The following SLC12A5 variants were observed in gnomAD, a reference collection of about 807,000 sequenced individuals.
SLC12A5 encodes K-Cl cotransporter 2.
In SLC12A5, 18 loss-of-function variants were observed where a neutral mutation model predicts 124.0. The ratio of observed to expected loss-of-function variants is 0.15; its 90% confidence interval spans 0.10 to 0.22. SLC12A5 has a LOEUF of 0.22. SLC12A5 is among the 10% of genes least tolerant of loss of function. The pLI is 1.00. For missense variants in SLC12A5, 867 were observed against 1,478.7 expected, an observed-to-expected ratio of 0.59 and a Z score of 6.78; for synonymous variants, 589 against 568.0, an observed-to-expected ratio of 1.04 and a Z score of -0.53.
At chr20:46,036,164 C>T (rs956412940) in intron 4 of SLC12A5, 3 of 455,608 alleles carry the variant, frequency 6.6e-6, no homozygotes, top group Admixed American at 3.8e-5. Context: ...TGATGCAGCT[C>T]ATTGATGGAA....
chr20:46,032,937 A>G (rs1665908708), intron 1 of SLC12A5, among the ~76,000 whole-genome samples: 2 of 152,064 alleles, frequency 1.3e-5, no homozygotes, highest in South Asian at 4.1e-4. Context: ...AGCACCTATT[A>G]TGTGCTGGGA....
intron 5 of SLC12A5, 101 bp downstream of exon 5, chr20:46,036,896 C>T (rs1252372766): frequency 6.9e-7 from 1 of 1,440,096 alleles, no homozygotes; most frequent in Non-Finnish European, 9.7e-7. Flanking sequence ...AGATAATATT[C>T]TAGACTAGGG....
At chr20:46,048,524 T>C (rs1018385137) in intron 16 of SLC12A5, among the ~76,000 whole-genome samples, 1 of 152,092 alleles carries the variant, frequency 6.6e-6, no homozygotes, top group African/African-American at 2.4e-5. Context: ...TTGAGAGTTA[T>C]AGGGGCTCTT....
At chr20:46,031,200 C>A (rs1568856675) in intron 1 of SLC12A5, among the ~76,000 whole-genome samples, 1 of 152,190 alleles carries the variant, frequency 6.6e-6, no homozygotes, top group East Asian at 1.9e-4. Context: ...AGAAAAGAGG[C>A]ATCAGTGTGT....
rs2084699810 is a variant in SLC12A5 at position 46,056,775 on chromosome 20, G to T, written c.3111-122G>T. 1.6e-6 allele frequency: 2 copies of T among 1,237,412 alleles called. No homozygotes were observed. The highest frequency in any genetic ancestry group is 2.4e-6 in the Non-Finnish European group (2 of 845,758). The allele number at this position is 1,237,412 out of a possible 1,614,324, so 76.7% of individuals were successfully genotyped here. A position where few individuals can be genotyped will look rare whatever the true frequency, so the allele number is the denominator to read the frequency against. ...GTTGCAGGCAGCGGAAAGGTGAAGG[G>T]TGTGGGGGCTGGCAGAGCAGGACTC... On this transcript the variant is annotated intron_variant, in intron 23 of 25. Transcript: ENST00000243964. The surrounding 1 kb of genome is among the most constrained non-coding windows in gnomAD (Gnocchi z 4.3).
Position 46,057,249 on chromosome 20 carries a change from C to G in SLC12A5, c.3205C>G (p.Leu1069Val). ...VIVKKSRDAK[L>V]VLLNMPGPPR... is the part of the protein sequence containing the mutation. ...CGTGAAGAAATCCCGGGACGCCAAGCTTGTTTTGCTCAACATGCCTGGGCC... is the reference window on the plus strand; with the variant it reads ...CGTGAAGAAATCCCGGGACGCCAAGGTTGTTTTGCTCAACATGCCTGGGCC... The change falls in exon 25 of 26, where the codon CTT (leucine) becomes GTT (valine). Residue 1069 changes from leucine to valine, a missense_variant. By Grantham distance (32) the Leu-to-Val change is conservative (BLOSUM62 1). Coordinates refer to ENST00000243964, the MANE Select transcript of SLC12A5 (RefSeq NM_020708.5). The surrounding 1 kb of genome is among the most constrained non-coding windows in gnomAD (Gnocchi z 7.1). The G allele has an allele frequency of 2.5e-6, 4 of 1,614,226 alleles. No individual in the cohort carries two copies. In the African/African-American group the frequency reaches 5.3e-5, roughly 22 times the overall value.
At chr20:46,037,407 G>A (rs1002397242) in intron 6 of SLC12A5, 22 bp downstream of exon 6, 82 of 1,595,792 alleles carry the variant, frequency 5.1e-5, no homozygotes, top group Non-Finnish European at 6.9e-5. Context: ...TGAGGAGGAG[G>A]TGTGGAACCC....
At position 46,057,683 on chromosome 20, in the gene SLC12A5, C is replaced by T. The variant is rs2084709879; in HGVS notation, c.*78C>T. 4 of 1,111,818 alleles carry T rather than the reference C, an allele frequency of 3.6e-6. No homozygotes were observed. The highest frequency in any genetic ancestry group is 5.2e-6 in the Non-Finnish European group (4 of 775,614). 68.9% of individuals were successfully genotyped at this position (1,111,818 alleles called of 1,614,324 possible). On this transcript the variant is annotated 3_prime_UTR_variant, in exon 26 of 26. Coordinates refer to ENST00000243964, the MANE Select transcript of SLC12A5 (RefSeq NM_020708.5). The surrounding 1 kb of genome is among the most constrained non-coding windows in gnomAD (Gnocchi z 7.1). Reference sequence around the variant, plus strand: ...CCCTCGCCGCGCCCCCCGCCGCTGTCACCGTTTACATACAGACCCTGTGCC... The same window carrying T: ...CCCTCGCCGCGCCCCCCGCCGCTGTTACCGTTTACATACAGACCCTGTGCC...
At chr20:46,035,276 C>T in intron 2 of SLC12A5, 128 bp from the exon 3 acceptor site, 3 of 1,258,576 alleles carry the variant, frequency 2.4e-6, no homozygotes, top group Non-Finnish European at 3.4e-6. Flanking sequence ...TGTTCCTCCT[C>T]CTTTCCCATC....
intron 2 of SLC12A5, 138 bp downstream of exon 2, chr20:46,035,180 C>T: frequency 9.6e-7 from 1 of 1,041,456 alleles, no homozygotes; most frequent in East Asian, 2.4e-5. Flanking sequence ...TGAGCCTCCC[C>T]ATCCCTCCTT....
At chr20:46,036,566 T>G in intron 4 of SLC12A5, 175 bp from the exon 5 acceptor site, 1 of 574,570 alleles carries the variant, frequency 1.7e-6, no homozygotes. Context: ...GTGAATAAGG[T>G]TTTCTTGAGA....
Position 46,057,471 on chromosome 20 carries a change from G to A in SLC12A5, c.3260-43G>A, listed in dbSNP as rs759702336. 7 of 1,610,468 alleles carry A rather than the reference G, an allele frequency of 4.3e-6. No individual in the cohort carries two copies. The highest frequency in any genetic ancestry group is 5.1e-6 in the Non-Finnish European group (6 of 1,176,928). On this transcript the variant is annotated intron_variant, in intron 25 of 25. Transcript: ENST00000243964. The surrounding 1 kb of genome is among the most constrained non-coding windows in gnomAD (Gnocchi z 7.1). ...AGCCGAGCGCGACCCCAATTTCGTC[G>A]GGAGGGAAGGAGACCGGGTCTTTCT...
chr20:46,058,622 G>A lies in SLC12A5; in HGVS notation c.*1017G>A. Reference sequence around the variant, plus strand: ...CCGGTGCCTTCGCTGGGGAGCAGGCGTCTCTCCTCAGTCGGCTTGTCGCCT... The same window carrying A: ...CCGGTGCCTTCGCTGGGGAGCAGGCATCTCTCCTCAGTCGGCTTGTCGCCT... On this transcript the variant is annotated 3_prime_UTR_variant, in exon 26 of 26. Coordinates refer to ENST00000243964, the MANE Select transcript of SLC12A5 (RefSeq NM_020708.5). This position sits in a 1 kb window ranked among gnomAD's most constrained non-coding sequence, Gnocchi z 5.8. The A allele has an allele frequency of 2.5e-6, 1 of 399,066 alleles. No individual in the cohort carries two copies. Among genetic ancestry groups the A allele is most frequent in the Non-Finnish European group, 4.4e-6 (1 of 226,104 alleles). The allele number at this position is 399,066 out of a possible 1,614,324, so 24.7% of individuals were successfully genotyped here.
rs1393864411 is a variant in SLC12A5 at position 46,053,822 on chromosome 20, C to G, written c.2679+113C>G. The G allele has an allele frequency of 2.5e-6, 3 of 1,217,860 alleles. No homozygotes were observed. The highest frequency in any genetic ancestry group is 3.0e-4 in the Middle Eastern group (1 of 3,382). 75.4% of individuals were successfully genotyped at this position (1,217,860 alleles called of 1,614,324 possible). On this transcript the variant is annotated intron_variant, in intron 20 of 25. Coordinates refer to ENST00000243964, the MANE Select transcript of SLC12A5 (RefSeq NM_020708.5). This position sits in a 1 kb window ranked among gnomAD's most constrained non-coding sequence, Gnocchi z 4.7. ...CAGCTTATGATGCTGGATCCTTTCCCCCTCATCCATCTCTTAGCCTCTCAC... is the reference window on the plus strand; with the variant it reads ...CAGCTTATGATGCTGGATCCTTTCCGCCTCATCCATCTCTTAGCCTCTCAC...
rs149300952 is a variant in SLC12A5 at position 46,041,413 on chromosome 20, G to A, written c.939G>A (p.Val313=). The A allele has an allele frequency of 5.0e-6, 8 of 1,614,138 alleles. No individual in the cohort carries two copies. The highest frequency in any genetic ancestry group is 1.1e-5 in the South Asian group (1 of 91,068). The change falls in exon 8 of 26, where the codon GTG becomes GTA. Residue 313 remains valine, a synonymous_variant. Transcript: ENST00000243964. ...TGGCTTGGGAAGGAAATGAGACGGT[G>A]ACCACACGGCTATGGGGCCTTTTCT... ...AKLAWEGNET[V]TTRLWGLFCS... is the part of the protein sequence containing the mutation.
At chr20:46,037,226 C>A in intron 5 of SLC12A5, 29 bp from the exon 6 acceptor site, 2 of 1,575,648 alleles carry the variant, frequency 1.3e-6, no homozygotes, top group Non-Finnish European at 1.7e-6. Flanking sequence ...GCCCCCGACC[C>A]TCTCGCTGAT....
intron 1 of SLC12A5, among the ~76,000 whole-genome samples, chr20:46,030,221 C>CG (rs923457362): frequency 6.3e-5 from 9 of 142,974 alleles, no homozygotes; most frequent in Non-Finnish European, 9.2e-5. Context: ...CAGGGCGGGG[C>CG]GGGGGGGAGT....
At position 46,058,207 on chromosome 20, in the gene SLC12A5, T is replaced by C. The variant is rs990326292; in HGVS notation, c.*602T>C. On this transcript the variant is annotated 3_prime_UTR_variant, in exon 26 of 26. Coordinates refer to ENST00000243964, the MANE Select transcript of SLC12A5 (RefSeq NM_020708.5). The surrounding 1 kb of genome is among the most constrained non-coding windows in gnomAD (Gnocchi z 5.8). ...AACAGACTTCTCGCCATAGTCGAGC[T>C]CTCCCGCTGGGGGCACTGCGGGGAG... The C allele has an allele frequency of 8.4e-6, 3 of 358,892 alleles. No homozygotes were observed. Among genetic ancestry groups the C allele is most frequent in the African/African-American group, 2.1e-5 (1 of 47,818 alleles). 22.2% of individuals were successfully genotyped at this position (358,892 alleles called of 1,614,324 possible).
At chr20:46,044,130 G>A (rs1241954280) in intron 11 of SLC12A5, among the ~76,000 whole-genome samples, 197 bp downstream of exon 11, 1 of 152,182 alleles carries the variant, frequency 6.6e-6, no homozygotes, top group African/African-American at 2.4e-5. Flanking sequence ...CTTGGATGGT[G>A]TCTCATTTCC....
Sources: allele counts gnomAD v4.1 joint callset (sites outside exome capture counted in the v4.1 genomes callset), GRCh38; gene constraint gnomAD v4.1.1; non-coding constraint Gnocchi (gnomAD v3.1); transcripts MANE v1.5; gene names NCBI Gene and HGNC (gene_info 2026-07-23, HGNC 2026-07-21).